The following CACNA1A variants were observed in gnomAD, a reference collection of about 807,000 sequenced individuals.
CACNA1A encodes the protein calcium voltage-gated channel subunit alpha1 A, also known as voltage-dependent P/Q-type calcium channel subunit alpha-1A.
Under a neutral mutation model 262.4 loss-of-function variants are expected in CACNA1A, and 57 were observed. The ratio of observed to expected loss-of-function variants is 0.22; its 90% CI spans 0.18 to 0.27. The LOEUF is 0.27. Ranked by LOEUF, CACNA1A falls within the 10% of genes least tolerant of loss-of-function variation. The pLI is 1.00. For missense variants in CACNA1A, 2,526 were observed against 3,562.8 expected (o/e 0.71, Z 7.41); for synonymous variants, 1,431 against 1,419.3 (o/e 1.01, Z -0.18).
intron 1 of CACNA1A, among the ~76,000 whole-genome samples, chr19:13,461,779 G>A (rs1013503421): frequency 1.1e-4 from 16 of 152,314 alleles, no homozygotes; most frequent in African/African-American, 2.6e-4. Context: ...ACCTGTGTCA[G>A]CGGGATCCAG....
At chr19:13,288,242 C>CT (rs200201920) in intron 19 of CACNA1A, among the ~76,000 whole-genome samples, 8,554 of 134,162 alleles carry the variant, frequency 0.064, 331 homozygotes, top group East Asian at 0.14. Context: ...TTTCTTTTTT[C>CT]TTTTTTTTTT....
At chr19:13,246,131 G>A (rs930880822) in intron 30 of CACNA1A, among the ~76,000 whole-genome samples, 1 of 152,202 alleles carries the variant, frequency 6.6e-6, no homozygotes, top group Non-Finnish European at 1.5e-5. Flanking sequence ...GAGACTCTGG[G>A]TTCAAATCCC....
Position 13,298,524 on chromosome 19 carries a change from TCGAGGTCAC to T in CACNA1A, c.3089+11_3089+19del, listed in dbSNP as rs1600271090. ...TTAATGTTACCGTCATTCTGCGGAT[TCGAGGTCAC>T]CTCCACTTACTTCCTCCTCCGATGC... On this transcript the variant is annotated intron_variant, in intron 19 of 46. Coordinates refer to ENST00000360228, the MANE Select transcript of CACNA1A (RefSeq NM_001127222.2). 1 of 1,533,966 alleles carries T rather than the reference TCGAGGTCAC, an allele frequency of 6.5e-7. No homozygotes were observed. The highest frequency in any genetic ancestry group is 1.4e-5 in the African/African-American group (1 of 71,200).
At chr19:13,359,552 G>A in intron 6 of CACNA1A, 54 bp downstream of exon 6, 2 of 1,420,560 alleles carry the variant, frequency 1.4e-6, no homozygotes, top group Admixed American at 1.9e-5. Context: ...GGTCCCAGGA[G>A]GCCACCTCCC....
chr19:13,360,977 T>C (rs1246920266), intron 5 of CACNA1A, among the ~76,000 whole-genome samples: 1 of 152,198 alleles, frequency 6.6e-6, no homozygotes, highest in Admixed American at 6.5e-5. Context: ...TTATGGTCCA[T>C]AATATAGTCA....
At position 13,212,840 on chromosome 19, in the gene CACNA1A, A is replaced by ACACACACG. The variant is rs2054867394; in HGVS notation, c.5941-101_5941-100insCGTGTGTG. 1.7e-6 allele frequency: 1 copy of ACACACACG among 580,738 alleles called. No individual in the cohort carries two copies. The highest frequency in any genetic ancestry group is 3.0e-6 in the Non-Finnish European group (1 of 331,252). The allele number at this position is 580,738 out of a possible 1,614,324, so 36.0% of individuals were successfully genotyped here. A position where few individuals can be genotyped will look rare whatever the true frequency, so the allele number is the denominator to read the frequency against. The stretch of plus-strand genomic sequence containing the variant: ...ACATCCCCAGTATACACACACACAC[A>ACACACACG]CACACACACTCTCTCAGGTCTCATC... On this transcript the variant is annotated intron_variant, in intron 40 of 46. Transcript: ENST00000360228. The surrounding 1 kb of genome is among the most constrained non-coding windows in gnomAD (Gnocchi z 5.6).
chr19:13,235,296 A>T, intron 32 of CACNA1A, 22 bp from the exon 33 acceptor site: 1 of 1,569,050 alleles, frequency 6.4e-7, no homozygotes, highest in Non-Finnish European at 8.6e-7. Context: ...AAAGGCAATG[A>T]AGAAGAGTGC....
rs145967004 is a variant in CACNA1A, at chr19:13,267,301, G to A, written c.3990-4468C>T. On this transcript the variant is annotated intron_variant, in intron 24 of 46. Coordinates refer to ENST00000360228, the MANE Select transcript of CACNA1A (RefSeq NM_001127222.2). The stretch of plus-strand genomic sequence containing the variant: ...GCACCCCTGAGCACCCCCGAGTCCC[G>A]CCCGGGCAGCAGTTGGGGGAGCCTC... Among the ~76,000 whole-genome samples the A allele has an allele frequency of 7.2e-3, 1,100 of 152,226 alleles. 16 individuals carry two copies. The highest frequency in any genetic ancestry group is 0.025 in the African/African-American group (1,053 of 41,536).
chr19:13,264,633 C>T (rs1184873532), intron 24 of CACNA1A, among the ~76,000 whole-genome samples: 2 of 152,170 alleles, frequency 1.3e-5, no homozygotes, highest in African/African-American at 2.4e-5. Flanking sequence ...TATACTGTTC[C>T]CGCTGCTAGA....
At chr19:13,280,864 C>T (rs977287198) in intron 22 of CACNA1A, among the ~76,000 whole-genome samples, 1 of 150,620 alleles carries the variant, frequency 6.6e-6, no homozygotes, top group African/African-American at 2.4e-5. Flanking sequence ...TCGCTTAAAC[C>T]CGGGAGGCGG....
intron 26 of CACNA1A, chr19:13,260,241 A>G (rs1444493534): frequency 6.5e-6 from 1 of 153,792 alleles, no homozygotes; most frequent in Non-Finnish European, 1.4e-5. Context: ...CAATATCACT[A>G]TATATACACA....
intron 1 of CACNA1A, among the ~76,000 whole-genome samples, chr19:13,457,326 C>T (rs991975983): frequency 7.2e-5 from 11 of 152,080 alleles, no homozygotes; most frequent in African/African-American, 2.7e-4. Context: ...TTCCTTGGTT[C>T]CTCAAAAAGT....
At chr19:13,472,995 G>A (rs1978289118) in intron 1 of CACNA1A, among the ~76,000 whole-genome samples, 1 of 152,140 alleles carries the variant, frequency 6.6e-6, no homozygotes, top group African/African-American at 2.4e-5. Context: ...GCTCACACCT[G>A]TAATCCCAGC....
intron 44 of CACNA1A, among the ~76,000 whole-genome samples, chr19:13,209,701 G>A (rs181571279): frequency 4.6e-5 from 7 of 152,334 alleles, no homozygotes; most frequent in Admixed American, 3.9e-4. Context: ...CTCTGAGGGT[G>A]GAGCCTGAGG....
chr19:13,336,596 A>AGAGAGAGGGAGAGG (rs763741285), intron 6 of CACNA1A, among the ~76,000 whole-genome samples: 2 of 89,602 alleles, frequency 2.2e-5, no homozygotes, highest in Non-Finnish European at 4.3e-5. Flanking sequence ...AGAGAGAGGG[A>AGAGAGAGGGAGAGG]GAGAGAGAGA....
chr19:13,453,660 C>T (rs1035780398), intron 2 of CACNA1A, among the ~76,000 whole-genome samples: 5 of 152,198 alleles, frequency 3.3e-5, no homozygotes, highest in African/African-American at 7.2e-5. Context: ...CTCTGCAGAA[C>T]CTCCGGCTGG....
At position 13,368,797 on chromosome 19, in the gene CACNA1A, G is replaced by C. The variant is rs536276884; in HGVS notation, c.631+2891C>G. On this transcript the variant is annotated intron_variant, in intron 4 of 46. Coordinates refer to ENST00000360228, the MANE Select transcript of CACNA1A (RefSeq NM_001127222.2). ...CTCACGCCTGTAATCCCAGCACTTT[G>C]GGAGGCCGAGGCGGGCGGATCACGA... Among the ~76,000 whole-genome samples the C allele has an allele frequency of 7.3e-4, 94 of 129,506 alleles. 17 individuals carry two copies. The highest frequency in any genetic ancestry group is 3.8e-3 in the African/African-American group (86 of 22,888). 85.0% of individuals were successfully genotyped at this position (129,506 alleles called of 152,430 possible).
chr19:13,370,203 T>C (rs1271763370), intron 4 of CACNA1A, among the ~76,000 whole-genome samples: 1 of 151,496 alleles, frequency 6.6e-6, no homozygotes, highest in Non-Finnish European at 1.5e-5. Context: ...CGGGTTCAAG[T>C]GATTCTCCTG....
At chr19:13,444,573 C>T (rs892064452) in intron 3 of CACNA1A, among the ~76,000 whole-genome samples, 3 of 152,080 alleles carry the variant, frequency 2.0e-5, no homozygotes, top group Admixed American at 1.3e-4. Flanking sequence ...CTCTGAGGAT[C>T]CCTTTCTTAT....
Sources: gnomAD v4.1 joint callset for allele counts (sites outside exome capture counted in the v4.1 genomes callset) on GRCh38, gnomAD v4.1.1 for gene constraint, Gnocchi (gnomAD v3.1) non-coding constraint, MANE v1.5 for transcripts, NCBI Gene and HGNC (gene_info 2026-07-23, HGNC 2026-07-21) for gene names.